Variants in ZNF681 observed in about 807,000 individuals in gnomAD.
ZNF681 encodes the protein zinc finger protein 681.
In ZNF681, 37 loss-of-function variants were observed where a neutral mutation model predicts 56.0. The ratio of observed to expected loss-of-function variants is 0.66; its 90% CI spans 0.51 to 0.87. ZNF681 has a LOEUF of 0.87. ZNF681 is among the 40% of genes least tolerant of loss of function. The pLI, the probability that ZNF681 is intolerant of heterozygous loss-of-function variation, is 0.00. For synonymous variants in ZNF681, 225 were observed against 248.6 expected, an observed-to-expected ratio of 0.91 and a Z score of 0.89; for missense variants, 741 against 744.9, an observed-to-expected ratio of 0.99 and a Z score of 0.06.
intron 3 of ZNF681, among the ~76,000 whole-genome samples, chr19:23,754,251 A>G (rs1272025679): frequency 2.6e-5 from 4 of 152,196 alleles, no homozygotes; most frequent in Admixed American, 2.6e-4. Context: ...AGTCTCTTAC[A>G]TGCCATTAAG....
rs1968905966 is a variant in ZNF681, at chr19:23,744,118, A to T, written c.1432T>A (p.Tyr478Asn). 1.9e-6 allele frequency: 3 copies of T among 1,612,252 alleles called. No homozygotes were observed. The highest frequency in any genetic ancestry group is 2.2e-5 in the East Asian group (1 of 44,798). ...HKRIHTGEKPYKCEECGKAFN... is the reference protein window; with the variant it reads ...HKRIHTGEKPNKCEECGKAFN... Reference sequence around the variant, plus strand: ...GCTTTGCCACATTCTTCACATTTGTAGGGTTTCTCTCCAGTATGAATTCTT... The same window carrying T: ...GCTTTGCCACATTCTTCACATTTGTTGGGTTTCTCTCCAGTATGAATTCTT... The change falls in exon 4 of 4, where the codon TAC (tyrosine) becomes AAC (asparagine). Residue 478 changes from tyrosine to asparagine, a missense_variant. Coordinates refer to ENST00000402377, the MANE Select transcript of ZNF681 (RefSeq NM_138286.3).
intron 2 of ZNF681, 30 bp from the exon 3 acceptor site, chr19:23,754,948 C>A: frequency 1.3e-6 from 2 of 1,582,008 alleles, no homozygotes; most frequent in Non-Finnish European, 1.7e-6. Flanking sequence ...TAACATAAAT[C>A]TTGCTTATAT....
Position 23,744,249 on chromosome 19 carries a change from G to A in ZNF681, c.1301C>T (p.Ser434Phe). 1 of 1,613,562 alleles carries A rather than the reference G, an allele frequency of 6.2e-7. No homozygotes were observed. Among genetic ancestry groups the A allele is most frequent in the Non-Finnish European group, 8.5e-7 (1 of 1,179,798 alleles). ...CEKCGKASNQ[S>F]SNLTEHKNIH... is the part of the protein sequence containing the mutation. ...ATTCTTATGTTCAGTAAGGTTTGAG[G>A]ATTGGTTAGAAGCTTTGCCACATTT... Residue 434 changes from serine (S) to phenylalanine (F), a missense_variant, in exon 4 of 4, where the codon TCC becomes TTC. By Grantham distance (155) the Ser-to-Phe change is radical. Transcript: ENST00000402377.
chr19:23,747,467 G>A (rs1213403930), intron 3 of ZNF681, among the ~76,000 whole-genome samples: 3 of 151,594 alleles, frequency 2.0e-5, no homozygotes, highest in African/African-American at 7.3e-5. Flanking sequence ...GGGAAACCCC[G>A]TCTCTACTAA....
intron 3 of ZNF681, among the ~76,000 whole-genome samples, chr19:23,751,526 A>AAT (rs1291265833): frequency 6.6e-6 from 1 of 151,996 alleles, no homozygotes; most frequent in East Asian, 1.9e-4. Context: ...AGATAACCGT[A>AAT]ATATGTGACT....
At chr19:23,756,712 G>T (rs907931480) in intron 1 of ZNF681, among the ~76,000 whole-genome samples, 31 of 152,048 alleles carry the variant, frequency 2.0e-4, no homozygotes, top group Middle Eastern at 3.4e-3. Context: ...TAAAACCTAG[G>T]TGATGGGTTG....
Position 23,743,862 on chromosome 19 carries a change from T to A in ZNF681, c.1688A>T (p.Gln563Leu). The part of the protein sequence containing the change: ...KVIHTGEKPY[Q>L]CEECGKAFNQ... ...AAAGGCTTTACCACATTCTTCACAT[T>A]GGTAGGGTTTCTCTCCAGTATGAAT... Residue 563 changes from glutamine (Q) to leucine (L), a missense_variant, in exon 4 of 4, where the codon CAA becomes CTA. Transcript: ENST00000402377. The A allele has an allele frequency of 6.2e-7, 1 of 1,612,842 alleles. No individual in the cohort carries two copies. The highest frequency in any genetic ancestry group is 8.5e-7 in the Non-Finnish European group (1 of 1,179,672).
In ZNF681 at chr19:23,744,737, T is replaced by G; in HGVS notation, c.813A>C (p.Thr271=). ...TCTCTCCAGTATGAATTATTGTATG[T>G]GTTGTAATGTGTGACGACAGGTTAA... ...KAFNLSSHIT[T]HTIIHTGENP... The change falls in exon 4 of 4, where the codon ACA becomes ACC. Residue 271 remains threonine, a synonymous_variant. Transcript: ENST00000402377. 1 of 1,613,740 alleles carries G rather than the reference T, an allele frequency of 6.2e-7. No homozygotes were observed. The highest frequency in any genetic ancestry group is 1.1e-5 in the South Asian group (1 of 91,042).
At chr19:23,751,404 A>G (rs1210711847) in intron 3 of ZNF681, among the ~76,000 whole-genome samples, 4 of 144,126 alleles carry the variant, frequency 2.8e-5, no homozygotes, top group Non-Finnish European at 6.0e-5. Context: ...TGAACTCTGG[A>G]GGCGGAGGTT....
chr19:23,758,607 G>A (rs1969162381), intron 1 of ZNF681, 140 bp downstream of exon 1: 2 of 1,268,454 alleles, frequency 1.6e-6, no homozygotes, highest in African/African-American at 1.5e-5. Context: ...CAGCGCAGCC[G>A]CCATCTTATG....
intron 3 of ZNF681, 143 bp downstream of exon 3, chr19:23,754,680 A>G: frequency 1.3e-6 from 1 of 742,718 alleles, no homozygotes; most frequent in Non-Finnish European, 2.3e-6. Flanking sequence ...AGAAAAAGAA[A>G]AGAAAAGAAA....
chr19:23,758,617 G>A (rs1190288962), intron 1 of ZNF681, 130 bp downstream of exon 1: 6 of 1,369,068 alleles, frequency 4.4e-6, no homozygotes, highest in Non-Finnish European at 6.3e-6. Context: ...GCCATCTTAT[G>A]GTCCAAGTGG....
At chr19:23,758,708 C>T (rs756131753) in intron 1 of ZNF681, 39 bp downstream of exon 1, 2 of 1,614,176 alleles carry the variant, frequency 1.2e-6, no homozygotes, top group Non-Finnish European at 1.7e-6. Context: ...CGCCACAGCC[C>T]CTTCCCCTCT....
chr19:23,744,309 C>T lies in ZNF681; in HGVS notation c.1241G>A (p.Ser414Asn). ...GTAGGGTTTTTCTCCAGTATGAATG[C>T]TCTTATGTCTAGTAAGGTGTGAGGA... Reference protein sequence around the residue: ...NKSSHLTRHKSIHTGEKPYQC... With the variant: ...NKSSHLTRHKNIHTGEKPYQC... The change falls in exon 4 of 4, where the codon AGC (serine) becomes AAC (asparagine). Residue 414 changes from serine to asparagine, a missense_variant. Physicochemically the swap from Ser to Asn is conservative, Grantham distance 46. Transcript: ENST00000402377. 1.2e-6 allele frequency: 2 copies of T among 1,612,760 alleles called. No individual in the cohort carries two copies. Among genetic ancestry groups the T allele is most frequent in the Non-Finnish European group, 1.7e-6 (2 of 1,179,600 alleles).
intron 3 of ZNF681, among the ~76,000 whole-genome samples, chr19:23,745,802 C>T (rs1332978989): frequency 2.6e-5 from 4 of 152,034 alleles, no homozygotes; most frequent in African/African-American, 9.7e-5. Context: ...AACATATTGA[C>T]CAAAATACAT....
At position 23,744,859 on chromosome 19, in the gene ZNF681, A is replaced by G; in HGVS notation, c.691T>C (p.Cys231Arg). Residue 231 changes from cysteine (C) to arginine (R), a missense_variant, in exon 4 of 4, where the codon TGT becomes CGT. Coordinates refer to ENST00000402377, the MANE Select transcript of ZNF681 (RefSeq NM_138286.3). Reference protein sequence around the residue: ...IGEKSYICEECGKACNQFTNL... With the variant: ...IGEKSYICEERGKACNQFTNL... ...GTGAACTGGTTACAGGCTTTGCCAC[A>G]TTCTTCACATATGTACGATTTCTCT... 6.2e-7 allele frequency: 1 copy of G among 1,613,522 alleles called. No individual in the cohort carries two copies. Among genetic ancestry groups the G allele is most frequent in the Non-Finnish European group, 8.5e-7 (1 of 1,179,774 alleles).
At chr19:23,752,533 G>A (rs563713225) in intron 3 of ZNF681, among the ~76,000 whole-genome samples, 2 of 151,892 alleles carry the variant, frequency 1.3e-5, no homozygotes, top group East Asian at 3.9e-4. Flanking sequence ...AGACCTGACT[G>A]CAGAAACCTG....
At position 23,745,155 on chromosome 19, in the gene ZNF681, T is replaced by C. The variant is rs1162652661; in HGVS notation, c.395A>G (p.Gln132Arg). 1.2e-6 allele frequency: 2 copies of C among 1,612,430 alleles called. No homozygotes were observed. The highest frequency in any genetic ancestry group is 1.7e-6 in the Non-Finnish European group (2 of 1,179,702). The change falls in exon 4 of 4, where the codon CAA becomes CGA. Residue 132 changes from glutamine to arginine, a missense_variant. Coordinates refer to ENST00000402377, the MANE Select transcript of ZNF681 (RefSeq NM_138286.3). ...TTTGCTCTGGGTAGTTGGCAAACAT[T>C]GGTTAAGTCCATTATAACCTCCTTT... ...VQKGGYNGLN[Q>R]CLPTTQSKIF...
At position 23,740,923 on chromosome 19, in the gene ZNF681, A is replaced by G. The variant is rs1205162471; in HGVS notation, c.*2689T>C. The stretch of plus-strand genomic sequence containing the variant: ...AAGAGAAAAAAATGTAAGACACAAG[A>G]AAATTATGGGTCTAGCCTAAGAATC... On this transcript the variant is annotated 3_prime_UTR_variant, in exon 4 of 4. Coordinates refer to ENST00000402377, the MANE Select transcript of ZNF681 (RefSeq NM_138286.3). The G allele has an allele frequency of 1.5e-4, 23 of 152,148 alleles. No individual in the cohort carries two copies. The highest frequency in any genetic ancestry group is 1.5e-3 in the Admixed American group (23 of 15,268). The allele number at this position is 152,148 out of a possible 1,614,324, so 9.4% of individuals were successfully genotyped here. A position where few individuals can be genotyped will look rare whatever the true frequency, so the allele number is the denominator to read the frequency against.
Sources: gnomAD v4.1 joint callset for allele counts (sites outside exome capture counted in the v4.1 genomes callset) on GRCh38, gnomAD v4.1.1 for gene constraint, MANE v1.5 for transcripts, NCBI Gene and HGNC (gene_info 2026-07-23, HGNC 2026-07-21) for gene names.